Variants in SLC9B1 observed in about 807,000 individuals in gnomAD.
SLC9B1 encodes solute carrier family 9 member B1, also known as sodium/hydrogen exchanger 9B1.
SLC9B1 carries 32 observed loss-of-function variants against 51.7 expected under a neutral mutation model. The ratio of observed to expected loss-of-function variants is 0.62; its 90% CI spans 0.47 to 0.83. The LOEUF is 0.83. Ranked by LOEUF, SLC9B1 falls within the 40% of genes least tolerant of loss-of-function variation. SLC9B1 has a pLI of 0.00. For synonymous variants in SLC9B1, 145 were observed against 212.7 expected (o/e 0.68, Z 2.77); for missense variants, 406 against 613.2 (o/e 0.66, Z 3.57).
chr4:102,968,409 A>G (rs576265796), intron 3 of SLC9B1, among the ~76,000 whole-genome samples: 1 of 152,390 alleles, frequency 6.6e-6, no homozygotes, highest in South Asian at 2.1e-4. Context: ...AATATAGGAG[A>G]AAATATTTAT....
At position 102,983,809 on chromosome 4, in the gene SLC9B1, GTGT is replaced by G. The variant is rs1379696858; in HGVS notation, c.211+5988_211+5990del. Among the ~76,000 whole-genome samples the G allele has an allele frequency of 3.3e-5, 5 of 152,066 alleles. No homozygotes were observed. The Middle Eastern group carries it at 0.01, about 312-fold the overall frequency. ...TAGTTTGGCTAAAGGCTTATCAATT[GTGT>G]TGATCTTTTCAAAGAACCAGGTTTT... On this transcript the variant is annotated intron_variant, in intron 3 of 11. Coordinates refer to ENST00000296422, the MANE Select transcript of SLC9B1 (RefSeq NM_139173.4).
intron 1 of SLC9B1, among the ~76,000 whole-genome samples, chr4:103,016,438 G>T (rs28445579): frequency 6.6e-6 from 1 of 151,776 alleles, no homozygotes; most frequent in Non-Finnish European, 1.5e-5. Context: ...ATAGTACTAC[G>T]TCAATTTCTG....
chr4:102,914,212 A>T lies in SLC9B1; in HGVS notation c.830-2675T>A, dbSNP rs189523729. Among the ~76,000 whole-genome samples, 295 of 105,158 alleles carry T rather than the reference A, an allele frequency of 2.8e-3. 1 individual carries two copies. Among genetic ancestry groups the T allele is most frequent in the African/African-American group, 0.013 (282 of 22,206 alleles). 69.0% of individuals were successfully genotyped at this position (105,158 alleles called of 152,430 possible). A position where few individuals can be genotyped will look rare whatever the true frequency, so the allele number is the denominator to read the frequency against. ...TGGCAGAACTAGTTGAGCCATTATTACCAGTCTGGGTGCACTGGATGAATC... is the reference window on the plus strand; with the variant it reads ...TGGCAGAACTAGTTGAGCCATTATTTCCAGTCTGGGTGCACTGGATGAATC... On this transcript the variant is annotated intron_variant, in intron 7 of 11. Coordinates refer to ENST00000296422, the MANE Select transcript of SLC9B1 (RefSeq NM_139173.4).
At chr4:102,974,241 T>TAAAAA (rs1560962155) in intron 3 of SLC9B1, among the ~76,000 whole-genome samples, 18 of 16,760 alleles carry the variant, frequency 1.1e-3, no homozygotes, top group South Asian at 3.5e-3. Context: ...TGTCTAAAAT[T>TAAAAA]GAAAAAAAAA....
In SLC9B1 at chr4:102,892,753, A is replaced by G. The variant is rs1734315615; in HGVS notation, c.1333-7425T>C. 1.3e-5 allele frequency: 2 copies of G among 152,224 alleles called. 1 individual carries two copies. The highest frequency in any genetic ancestry group is 4.1e-4 in the South Asian group (2 of 4,824). 9.4% of individuals were successfully genotyped at this position (152,224 alleles called of 1,614,324 possible). On this transcript the variant is annotated intron_variant, in intron 11 of 11. Coordinates refer to the SLC9B1 transcript ENST00000394789. ...AAAGGAGAAAAGGGTAGTACATTTC[A>G]TAATTAGAGATAACCCTGTACTAGT...
At chr4:102,932,769 G>A (rs1193259892) in intron 6 of SLC9B1, among the ~76,000 whole-genome samples, 1 of 152,178 alleles carries the variant, frequency 6.6e-6, no homozygotes, top group African/African-American at 2.4e-5. Flanking sequence ...GGCAGATGCT[G>A]GGAGCAGGAG....
At chr4:102,996,219 AT>A (rs542060921) in intron 1 of SLC9B1, among the ~76,000 whole-genome samples, 3 of 151,986 alleles carry the variant, frequency 2.0e-5, no homozygotes, top group Non-Finnish European at 4.4e-5. Context: ...TCTCTTGTCC[AT>A]TTTTTTGTTG....
chr4:102,916,272 A>G (rs1735572051), intron 7 of SLC9B1, among the ~76,000 whole-genome samples: 1 of 152,226 alleles, frequency 6.6e-6, no homozygotes, highest in African/African-American at 2.4e-5. Flanking sequence ...GTTGGTAACC[A>G]AAAGAGAACA....
intron 5 of SLC9B1, 86 bp downstream of exon 5, chr4:102,946,561 G>C: frequency 6.9e-7 from 1 of 1,455,682 alleles, no homozygotes; most frequent in Admixed American, 2.1e-5. Context: ...ATTTGGAACA[G>C]GAAAATAAAA....
At chr4:102,961,840 T>C (rs1450454884) in intron 3 of SLC9B1, 1 of 184,616 alleles carries the variant, frequency 5.4e-6, no homozygotes, top group African/African-American at 2.4e-5. Context: ...TATCTTAAAA[T>C]GAATAAAAGT....
chr4:102,962,631 G>A, intron 3 of SLC9B1: 1 of 473,076 alleles, frequency 2.1e-6, no homozygotes, highest in South Asian at 1.5e-5. Flanking sequence ...GTTGTAGAAG[G>A]TTATGTAATT....
chr4:102,911,288 TCA>T, intron 8 of SLC9B1, 141 bp downstream of exon 8: 1 of 598,656 alleles, frequency 1.7e-6, no homozygotes, highest in South Asian at 2.2e-5. Flanking sequence ...ACTGCTGTGC[TCA>T]GTTTTAAGTA....
At chr4:102,886,632 G>T (rs560574796) in intron 11 of SLC9B1, among the ~76,000 whole-genome samples, 2 of 151,540 alleles carry the variant, frequency 1.3e-5, no homozygotes, top group African/African-American at 4.8e-5. Flanking sequence ...TTATTTTTGC[G>T]GGGGACAGAG....
intron 1 of SLC9B1, among the ~76,000 whole-genome samples, chr4:103,009,589 G>T (rs1339926538): frequency 6.6e-6 from 1 of 152,170 alleles, no homozygotes; most frequent in African/African-American, 2.4e-5. Flanking sequence ...CACTGAGAGT[G>T]GCAAAGCTGG....
At chr4:102,890,991 C>G (rs759488759) in intron 11 of SLC9B1, 1 of 150,566 alleles carries the variant, frequency 6.6e-6, no homozygotes, top group Non-Finnish European at 1.5e-5. Context: ...AATTAAAGAC[C>G]ACTTTGAAGG....
chr4:102,965,898 G>A (rs1482370779), intron 3 of SLC9B1, among the ~76,000 whole-genome samples: 2 of 152,158 alleles, frequency 1.3e-5, no homozygotes, highest in Admixed American at 1.3e-4. Context: ...GAGGTGACAG[G>A]CCTCGAGCAA....
chr4:102,961,219 G>T (rs1001483562), intron 3 of SLC9B1, among the ~76,000 whole-genome samples: 1 of 150,676 alleles, frequency 6.6e-6, no homozygotes, highest in Admixed American at 6.7e-5. Flanking sequence ...AGAATTTTGC[G>T]TACAAGGAGT....
intron 3 of SLC9B1, chr4:102,963,137 G>A: frequency 2.8e-6 from 1 of 360,812 alleles, no homozygotes; most frequent in South Asian, 2.1e-5. Context: ...GAGCTCAGTG[G>A]CAGGAGAATC....
intron 3 of SLC9B1, among the ~76,000 whole-genome samples, chr4:102,987,863 T>TCG (rs1739727002): frequency 6.6e-6 from 1 of 152,184 alleles, no homozygotes; most frequent in East Asian, 1.9e-4. Flanking sequence ...ATCACTCCTA[T>TCG]TTTTTGGGCA....
Sources: gnomAD v4.1 joint callset for allele counts (sites outside exome capture counted in the v4.1 genomes callset) on GRCh38, gnomAD v4.1.1 for gene constraint, MANE v1.5 for transcripts, NCBI Gene and HGNC (gene_info 2026-07-23, HGNC 2026-07-21) for gene names.